The following OPRM1 variants were observed in gnomAD, a reference collection of about 807,000 sequenced individuals.
OPRM1 encodes the protein opioid receptor mu 1.
A neutral mutation model predicts 31.8 loss-of-function variants in OPRM1; 27 were observed. The observed-to-expected ratio is 0.85, with a 90% CI of 0.63 to 1.17. The LOEUF (loss-of-function observed/expected upper bound fraction) is 1.17, where lower values mean the gene tolerates loss of function less well. Ranked by LOEUF, OPRM1 falls within the 50% of genes most tolerant of loss-of-function variation. OPRM1 has a pLI of 0.00. For synonymous variants in OPRM1, 196 were observed against 189.9 expected (o/e 1.03, Z -0.26); for missense variants, 536 against 511.1 (o/e 1.05, Z -0.47).
intron 3 of OPRM1, among the ~76,000 whole-genome samples, chr6:154,189,686 G>A (rs962786228): frequency 3.9e-5 from 6 of 152,152 alleles, no homozygotes; most frequent in East Asian, 3.9e-4. Flanking sequence ...ACATCACACC[G>A]GGCCAGGCGC....
At chr6:154,179,630 G>A (rs767734469) in intron 3 of OPRM1, among the ~76,000 whole-genome samples, 3 of 152,204 alleles carry the variant, frequency 2.0e-5, no homozygotes, top group Non-Finnish European at 4.4e-5. Context: ...CTTTGATTCT[G>A]CCACAGAAGG....
intron 3 of OPRM1, among the ~76,000 whole-genome samples, chr6:154,228,281 C>G (rs1779426921): frequency 6.7e-6 from 1 of 148,240 alleles, no homozygotes; most frequent in Non-Finnish European, 1.5e-5. Flanking sequence ...GCCCAGACAA[C>G]ATAGGCAGAC....
intron 3 of OPRM1, chr6:154,108,656 A>C (rs2128513967): frequency 3.5e-6 from 1 of 288,906 alleles, no homozygotes; most frequent in East Asian, 1.7e-4. Flanking sequence ...AATATCCCAT[A>C]GCATCAAAGC....
upstream of OPRM1, among the ~76,000 whole-genome samples, chr6:154,037,358 TAA>T (rs772557966): frequency 6.4e-5 from 8 of 124,244 alleles, no homozygotes; most frequent in Admixed American, 1.6e-4. Context: ...AAAATAAAAC[TAA>T]AAAAAAAAAA....
intron 3 of OPRM1, among the ~76,000 whole-genome samples, chr6:154,142,773 A>C (rs994909406): frequency 6.6e-6 from 1 of 152,186 alleles, no homozygotes; most frequent in African/African-American, 2.4e-5. Flanking sequence ...TCTACTGAGA[A>C]GGCAAGAATT....
At chr6:154,135,506 G>C (rs1016189259), downstream of OPRM1, among the ~76,000 whole-genome samples, 9 of 151,806 alleles carry the variant, frequency 5.9e-5, no homozygotes, top group Non-Finnish European at 1.2e-4. Flanking sequence ...TATAGATATA[G>C]ATATAGATAT....
rs186715154 is a variant in OPRM1, at chr6:154,016,050, A to G, written c.-1+5032A>G. Among the ~76,000 whole-genome samples the G allele has an allele frequency of 2.2e-4, 33 of 152,236 alleles. 1 individual carries two copies. Among genetic ancestry groups the G allele is most frequent in the Admixed American group, 2.0e-3 (31 of 15,256 alleles). ...AATTTCCAAGGAAAGAAAGTTAATA[A>G]TATCTAGCAAAATTACATATGCGTG... On this transcript the variant is annotated intron_variant, in intron 1 of 5. Transcript: ENST00000434900.
At chr6:154,048,412 C>A (rs576132959) in intron 1 of OPRM1, among the ~76,000 whole-genome samples, 3 of 152,090 alleles carry the variant, frequency 2.0e-5, no homozygotes, top group Admixed American at 6.6e-5. Context: ...CTCCTACAAC[C>A]AATTTCCCTG....
rs1464658496 is a variant in OPRM1 at position 154,039,377 on chromosome 6, G to C, written c.-168G>C. On this transcript the variant is annotated 5_prime_UTR_variant, in exon 1 of 4. Coordinates refer to ENST00000330432, the MANE Select transcript of OPRM1 (RefSeq NM_000914.5). ...GAGGAGAATGTCAGATGCTCAGCTCGGTCCCCTCCGCCTGACGCTCCTCTC... is the reference window on the plus strand; with the variant it reads ...GAGGAGAATGTCAGATGCTCAGCTCCGTCCCCTCCGCCTGACGCTCCTCTC... The C allele has an allele frequency of 1.9e-6, 3 of 1,545,314 alleles. No homozygotes were observed. Among genetic ancestry groups the C allele is most frequent in the South Asian group, 1.2e-5 (1 of 83,252 alleles).
chr6:154,087,613 C>T, intron 1 of OPRM1: 13 of 983,926 alleles, frequency 1.3e-5, no homozygotes, highest in Non-Finnish European at 1.6e-5. Context: ...CACTCTTTGT[C>T]CATAAGTCTC....
intron 2 of OPRM1, among the ~76,000 whole-genome samples, 181 bp downstream of exon 2, chr6:154,090,359 G>C (rs1791816259): frequency 6.6e-6 from 1 of 152,054 alleles, no homozygotes; most frequent in Admixed American, 6.5e-5. Flanking sequence ...CATAATTTTA[G>C]GCCTATTAAA....
chr6:154,134,325 T>C (rs994406671), downstream of OPRM1, among the ~76,000 whole-genome samples: 4 of 151,972 alleles, frequency 2.6e-5, no homozygotes, highest in Non-Finnish European at 4.4e-5. Flanking sequence ...TGGGATAGAG[T>C]AAACAAAGCC....
intron 3 of OPRM1, among the ~76,000 whole-genome samples, chr6:154,180,414 A>ATATATATTTTTT (rs1241250621): frequency 4.0e-4 from 26 of 65,256 alleles, no homozygotes; most frequent in African/African-American, 6.2e-4. Context: ...ATATATATAT[A>ATATATATTTTTT]TTTTTTTTTT....
rs536496253 is a variant in OPRM1, at chr6:154,131,386, A to G, written c.*12665A>G. ...CTGAATTGTTCCTTCTTTATTCTAT[A>G]GCTTTAAGTCAAACCTAACATAAGC... On this transcript the variant is annotated 3_prime_UTR_variant, in exon 4 of 4. Coordinates refer to ENST00000330432, the MANE Select transcript of OPRM1 (RefSeq NM_000914.5). Among the ~76,000 whole-genome samples, 2 of 152,362 alleles carry G rather than the reference A, an allele frequency of 1.3e-5. No homozygotes were observed. The highest frequency in any genetic ancestry group is 4.8e-5 in the African/African-American group (2 of 41,582).
intron 3 of OPRM1, chr6:154,160,143 T>C: frequency 1.2e-6 from 1 of 867,522 alleles, no homozygotes; most frequent in Non-Finnish European, 1.8e-6. Flanking sequence ...TACATAAAAT[T>C]ACCAAAGCAT....
chr6:154,151,552 G>A (rs557226089), intron 3 of OPRM1, among the ~76,000 whole-genome samples: 10 of 152,208 alleles, frequency 6.6e-5, no homozygotes, highest in South Asian at 4.1e-4. Flanking sequence ...AAAGGAGCAC[G>A]GTATTTGCTG....
intron 3 of OPRM1, chr6:154,110,481 C>CATTA: frequency 1.0e-6 from 1 of 965,524 alleles, no homozygotes. Flanking sequence ...GCTGCTAGCC[C>CATTA]TAATGGAGAC....
At chr6:154,220,020 G>A (rs2128615048) in intron 3 of OPRM1, among the ~76,000 whole-genome samples, 1 of 150,788 alleles carries the variant, frequency 6.6e-6, no homozygotes, top group South Asian at 2.1e-4. Context: ...GTGTGTGTGT[G>A]TGTGTGTGTC....
At chr6:154,011,167 C>A in intron 1 of OPRM1, 2 of 690,980 alleles carry the variant, frequency 2.9e-6, no homozygotes, top group Non-Finnish European at 4.2e-6. Flanking sequence ...TAAGGAATAC[C>A]AAGCACAAAA....
Sources: allele counts gnomAD v4.1 joint callset (sites outside exome capture counted in the v4.1 genomes callset), GRCh38; gene constraint gnomAD v4.1.1; transcripts MANE v1.5; gene names NCBI Gene and HGNC (gene_info 2026-07-23, HGNC 2026-07-21).